Variants in PLCH1 observed in about 807,000 individuals in gnomAD.
The protein encoded by PLCH1 is phospholipase C eta 1.
A neutral mutation model predicts 126.7 loss-of-function variants in PLCH1; 60 were observed. That is an observed-to-expected ratio of 0.47 (90% confidence interval 0.38 to 0.59). The LOEUF (loss-of-function observed/expected upper bound fraction) is 0.59. PLCH1 is among the 20% of genes least tolerant of loss of function. PLCH1 has a pLI of 0.00. For synonymous variants in PLCH1, 719 were observed against 734.9 expected (o/e 0.98, Z 0.35); for missense variants, 1,723 against 2,040.0 (o/e 0.84, Z 2.99).
At chr3:155,626,811 A>G (rs915029520) in intron 2 of PLCH1, among the ~76,000 whole-genome samples, 4 of 146,370 alleles carry the variant, frequency 2.7e-5, no homozygotes, top group African/African-American at 7.5e-5. Flanking sequence ...GAAAAAGATG[A>G]TAAGTTTAAC....
At position 155,583,562 on chromosome 3, in the gene PLCH1, T is replaced by G. The variant is rs1730977137; in HGVS notation, c.681A>C (p.Arg227=). ...AGCTCAAAAGTAACAAATAAAGGTC[T>G]CGTCTCAAAGACATCATTTTGTAAA... is the stretch of plus-strand genomic sequence containing the variant. ...CVFYKMMSLR[R]DLYLLLLSYS... is the part of the protein sequence containing the mutation. Residue 227 remains arginine (R), a synonymous_variant, in exon 6 of 23, where the codon CGA becomes CGC. Transcript: ENST00000460012. The G allele has an allele frequency of 6.2e-7, 1 of 1,605,008 alleles. No homozygotes were observed. Among genetic ancestry groups the G allele is most frequent in the Non-Finnish European group, 8.5e-7 (1 of 1,177,176 alleles).
At chr3:155,617,346 T>C (rs1464314856) in intron 2 of PLCH1, among the ~76,000 whole-genome samples, 2 of 152,132 alleles carry the variant, frequency 1.3e-5, no homozygotes, top group Non-Finnish European at 2.9e-5. Context: ...CAAGATTCTC[T>C]TGGAGAGCTA....
intron 21 of PLCH1, among the ~76,000 whole-genome samples, chr3:155,458,388 AGG>A (rs1375499385): frequency 0.03 from 746 of 24,522 alleles, 43 homozygotes; most frequent in African/African-American, 0.094. Context: ...GAAAGAAAGA[AGG>A]AAGGAAGGAA....
chr3:155,647,136 A>G (rs764890618), intron 2 of PLCH1, among the ~76,000 whole-genome samples: 10 of 152,114 alleles, frequency 6.6e-5, no homozygotes, highest in Non-Finnish European at 1.0e-4. Flanking sequence ...ACAATTTTGT[A>G]TCAATGTCGT....
At chr3:155,594,322 G>C in intron 3 of PLCH1, 138 bp from the exon 4 acceptor site, 1 of 800,754 alleles carries the variant, frequency 1.2e-6, no homozygotes, top group Non-Finnish European at 1.9e-6. Flanking sequence ...TGTAATCCTA[G>C]CAGTTTGGGA....
At chr3:155,465,943 G>A (rs546915875) in intron 21 of PLCH1, among the ~76,000 whole-genome samples, 8 of 152,302 alleles carry the variant, frequency 5.3e-5, no homozygotes, top group Admixed American at 6.5e-5. Flanking sequence ...GCATCTTGTG[G>A]TTTCAGTGCC....
chr3:155,526,664 C>CGT, intron 10 of PLCH1, among the ~76,000 whole-genome samples: 1 of 152,126 alleles, frequency 6.6e-6, no homozygotes. Flanking sequence ...CAGAGCTTCC[C>CGT]TCAGTTCAGC....
At chr3:155,641,550 A>T (rs1739402574) in intron 2 of PLCH1, among the ~76,000 whole-genome samples, 1 of 152,154 alleles carries the variant, frequency 6.6e-6, no homozygotes. Flanking sequence ...CAAAAAAAGG[A>T]TGTTAACAAG....
intron 12 of PLCH1, among the ~76,000 whole-genome samples, chr3:155,511,960 G>A (rs1432501521): frequency 1.3e-5 from 2 of 152,064 alleles, no homozygotes; most frequent in South Asian, 2.1e-4. Context: ...CCTCATTGCC[G>A]CCTTGCAGTT....
At chr3:155,707,999 A>G (rs1160399413) in intron 1 of PLCH1, among the ~76,000 whole-genome samples, 2 of 152,160 alleles carry the variant, frequency 1.3e-5, no homozygotes, top group Admixed American at 1.3e-4. Context: ...TTTACCTAAA[A>G]TTCTTTCATG....
intron 19 of PLCH1, among the ~76,000 whole-genome samples, chr3:155,489,449 G>C (rs953384507): frequency 1.3e-5 from 2 of 152,212 alleles, no homozygotes; most frequent in South Asian, 4.1e-4. Flanking sequence ...ATCTTTTAAA[G>C]TAGGGAATAT....
chr3:155,676,765 T>G (rs895138472), intron 2 of PLCH1, among the ~76,000 whole-genome samples: 1 of 152,136 alleles, frequency 6.6e-6, no homozygotes, highest in Non-Finnish European at 1.5e-5. Context: ...CAGAAAAGAC[T>G]GGAATGTTTC....
Position 155,594,035 on chromosome 3 carries a change from C to G in PLCH1, c.376G>C (p.Glu126Gln). ...ESLDLITSNP[E>Q]EARTWITGLK... ...CCTGTGATCCAGGTGCGGGCCTCCT[C>G]GGGGTTGGAGGTGATGAGGTCCAGG... The change falls in exon 4 of 23, where the codon GAG (glutamate) becomes CAG (glutamine). Residue 126 changes from glutamate to glutamine, a missense_variant. Physicochemically the swap from Glu to Gln is conservative, Grantham distance 29. Around this residue, in one of 2 missense-constraint regions of PLCH1, gnomAD observed 776 missense variants for 1,062.9 expected, o/e 0.73. Coordinates refer to ENST00000460012, the MANE Select transcript of PLCH1 (RefSeq NM_014996.4). 2 of 1,613,910 alleles carry G rather than the reference C, an allele frequency of 1.2e-6. No individual in the cohort carries two copies. The highest frequency in any genetic ancestry group is 1.7e-6 in the Non-Finnish European group (2 of 1,179,946).
chr3:155,560,023 A>C (rs978918822), intron 8 of PLCH1, among the ~76,000 whole-genome samples: 1 of 152,222 alleles, frequency 6.6e-6, no homozygotes, highest in Non-Finnish European at 1.5e-5. Context: ...TGACAGAAAC[A>C]TGGTTAGGCT....
chr3:155,538,963 A>G (rs2108376447), intron 10 of PLCH1, among the ~76,000 whole-genome samples: 1 of 151,644 alleles, frequency 6.6e-6, no homozygotes, highest in East Asian at 1.9e-4. Context: ...AAAGAAAATT[A>G]CAGACCAATA....
intron 11 of PLCH1, among the ~76,000 whole-genome samples, chr3:155,521,950 T>C (rs1721159520): frequency 6.6e-6 from 1 of 152,166 alleles, no homozygotes; most frequent in Non-Finnish European, 1.5e-5. Flanking sequence ...CCAAACCATC[T>C]CCTGATGTGG....
Position 155,694,435 on chromosome 3 carries a change from A to G in PLCH1, c.79+9711T>C, listed in dbSNP as rs781637403. Among the ~76,000 whole-genome samples the G allele has an allele frequency of 3.3e-4, 51 of 152,252 alleles. 1 individual carries two copies. The highest frequency in any genetic ancestry group is 1.0e-4 in the Non-Finnish European group (7 of 68,052). On this transcript the variant is annotated intron_variant, in intron 2 of 22. Transcript: ENST00000460012. ...CAAGTCTCCACATCTAGAGATGATA[A>G]GCTTCTACTTAGCTTAAAAACACAA...
At chr3:155,542,949 A>G (rs1374363911) in intron 10 of PLCH1, among the ~76,000 whole-genome samples, 1 of 152,212 alleles carries the variant, frequency 6.6e-6, no homozygotes, top group African/African-American at 2.4e-5. Context: ...AAAACAGAGC[A>G]GAAAAACTGG....
chr3:155,462,834 A>C (rs1344870411), intron 21 of PLCH1, among the ~76,000 whole-genome samples: 1 of 152,188 alleles, frequency 6.6e-6, no homozygotes, highest in Non-Finnish European at 1.5e-5. Context: ...GCATGGAGAG[A>C]CTAGTGCACT....
Sources: allele counts gnomAD v4.1 joint callset (sites outside exome capture counted in the v4.1 genomes callset), GRCh38; gene constraint gnomAD v4.1.1; regional missense constraint gnomAD v4.1.1; transcripts MANE v1.5; gene names NCBI Gene and HGNC (gene_info 2026-07-23, HGNC 2026-07-21).